Variants in CLASP2 observed in about 807,000 individuals in gnomAD.
CLASP2 encodes the protein CLIP-associating protein 2.
A neutral mutation model predicts 194.4 loss-of-function variants in CLASP2; 47 were observed. That is an observed-to-expected ratio of 0.24 (90% CI 0.19 to 0.31). CLASP2 has a LOEUF of 0.31. CLASP2 is among the 10% of genes least tolerant of loss of function. CLASP2 has a pLI of 1.00. For missense variants in CLASP2, 1,445 were observed against 1,823.6 expected, an observed-to-expected ratio of 0.79 and a Z score of 3.78; for synonymous variants, 619 against 633.5, an observed-to-expected ratio of 0.98 and a Z score of 0.34.
chr3:33,600,606 C>A (rs377713313), intron 18 of CLASP2, among the ~76,000 whole-genome samples: 2 of 152,166 alleles, frequency 1.3e-5, no homozygotes, highest in African/African-American at 2.4e-5. Context: ...CAGTAATCAA[C>A]ACACTGTTAA....
chr3:33,584,258 T>C (rs1334172178), intron 22 of CLASP2, among the ~76,000 whole-genome samples: 5 of 150,986 alleles, frequency 3.3e-5, no homozygotes, highest in South Asian at 2.1e-4. Context: ...CTATGAATTA[T>C]AGGGTTTGTT....
At chr3:33,572,208 A>C (rs1324331881) in intron 25 of CLASP2, among the ~76,000 whole-genome samples, 1 of 152,162 alleles carries the variant, frequency 6.6e-6, no homozygotes, top group Admixed American at 6.5e-5. Context: ...AATCATTCTA[A>C]ACTATGCCTA....
rs1049080128 is a variant in CLASP2, at chr3:33,682,732, T to G, written c.644+1627A>C. 3.3e-4 allele frequency among the ~76,000 whole-genome samples: 50 copies of G among 152,230 alleles called. 1 individual carries two copies. The highest frequency in any genetic ancestry group is 3.7e-4 in the Non-Finnish European group (25 of 68,036). Reference sequence around the variant, plus strand: ...CCACACTACTCATATATTCTTGATTTCCTTTTTAGTTGAACAGGTTTTAAG... The same window carrying G: ...CCACACTACTCATATATTCTTGATTGCCTTTTTAGTTGAACAGGTTTTAAG... On this transcript the variant is annotated intron_variant, in intron 6 of 38. Transcript: ENST00000682230.
At chr3:33,713,012 CAAAAAAAAAAAAA>C (rs57940200) in intron 1 of CLASP2, among the ~76,000 whole-genome samples, 4 of 46,990 alleles carry the variant, frequency 8.5e-5, no homozygotes, top group East Asian at 5.4e-4. Context: ...AACTCCACCT[CAAAAAAAAAAAAA>C]AAAAAAAAAA....
rs1416295750 is a variant in CLASP2, at chr3:33,545,071, T to C, written c.3154-230A>G. 3.3e-5 allele frequency: 11 copies of C among 337,720 alleles called. No individual in the cohort carries two copies. The East Asian group carries it at 4.5e-4, about 14-fold the overall frequency. The allele number at this position is 337,720 out of a possible 1,614,324, so 20.9% of individuals were successfully genotyped here. The stretch of plus-strand genomic sequence containing the variant: ...GGGAATATGAAAAGCATAACAAATA[T>C]GACCTAACAGACAATGGAAAAGTTA... On this transcript the variant is annotated intron_variant, in intron 30 of 38. Coordinates refer to ENST00000682230, the MANE Select transcript of CLASP2 (RefSeq NM_001365631.1).
chr3:33,688,407 A>G, intron 3 of CLASP2, 39 bp from the exon 4 acceptor site: 3 of 1,367,878 alleles, frequency 2.2e-6, no homozygotes, highest in Non-Finnish European at 3.0e-6. Flanking sequence ...ACAAAAAACT[A>G]AATTATTCAT....
In CLASP2 at chr3:33,663,512, T is replaced by A; in HGVS notation, c.648A>T (p.Leu216Phe). ...CATCAAATTTGGCAAATATCATTTC[T>A]AATCTGGGAATAAAGAATAAATTGG... ...LYKRGIPPAR[L>F]EMIFAKFDEV... is the part of the protein sequence containing the mutation. The change falls in exon 7 of 39, where the codon TTA (leucine) becomes TTT (phenylalanine). Residue 216 changes from leucine (L) to phenylalanine (F), a missense_variant. By Grantham distance (22) the Leu-to-Phe change is conservative. Around this residue, in one of 4 missense-constraint regions of CLASP2, gnomAD observed 332 missense variants for 325.3 expected, o/e 1.02. Transcript: ENST00000682230. 6.2e-7 allele frequency: 1 copy of A among 1,606,678 alleles called. No individual in the cohort carries two copies. The highest frequency in any genetic ancestry group is 8.5e-7 in the Non-Finnish European group (1 of 1,173,946).
intron 9 of CLASP2, among the ~76,000 whole-genome samples, chr3:33,630,558 T>TTA (rs2078909432): frequency 6.6e-6 from 1 of 150,562 alleles, no homozygotes; most frequent in Admixed American, 6.6e-5. Flanking sequence ...TTAAAGAGCG[T>TTA]AAAAAAAAAA....
intron 21 of CLASP2, among the ~76,000 whole-genome samples, chr3:33,590,472 G>C (rs949075936): frequency 6.6e-6 from 1 of 152,080 alleles, no homozygotes; most frequent in East Asian, 1.9e-4. Flanking sequence ...TACTGGTCTG[G>C]GCAGCACATA....
chr3:33,648,666 A>T (rs2082679997), intron 7 of CLASP2, among the ~76,000 whole-genome samples: 1 of 152,230 alleles, frequency 6.6e-6, no homozygotes, highest in South Asian at 2.1e-4. Context: ...AACATTTGTA[A>T]AAGGTTATAA....
intron 27 of CLASP2, among the ~76,000 whole-genome samples, chr3:33,565,665 A>G (rs2062597007): frequency 6.6e-6 from 1 of 151,496 alleles, no homozygotes; most frequent in African/African-American, 2.4e-5. Flanking sequence ...ATACAAATTT[A>G]GCTGGGCGTG....
At chr3:33,573,489 G>C (rs2064190094) in intron 24 of CLASP2, 135 bp from the exon 25 acceptor site, 1 of 896,722 alleles carries the variant, frequency 1.1e-6, no homozygotes, top group Non-Finnish European at 1.8e-6. Context: ...TGTAATAACA[G>C]AATGTCAGTA....
intron 22 of CLASP2, among the ~76,000 whole-genome samples, chr3:33,582,882 C>T (rs1446571795): frequency 6.6e-6 from 1 of 152,110 alleles, no homozygotes; most frequent in African/African-American, 2.4e-5. Context: ...GGGCCAAATA[C>T]CAGGCACAGA....
intron 38 of CLASP2, 59 bp downstream of exon 38, chr3:33,501,593 A>G: frequency 9.5e-7 from 1 of 1,049,358 alleles, no homozygotes; most frequent in South Asian, 1.3e-5. Flanking sequence ...CAGACATGTA[A>G]CTAAGTTTTG....
chr3:33,510,821 C>A, intron 36 of CLASP2, 57 bp from the exon 37 acceptor site: 1 of 1,409,532 alleles, frequency 7.1e-7, no homozygotes, highest in South Asian at 1.3e-5. Context: ...ACACTACATC[C>A]TGGAAGTATA....
At chr3:33,672,147 G>A (rs2087400962) in intron 6 of CLASP2, among the ~76,000 whole-genome samples, 1 of 152,224 alleles carries the variant, frequency 6.6e-6, no homozygotes, top group Admixed American at 6.5e-5. Context: ...CTCCTCAAGT[G>A]GGTCCCTGAC....
intron 19 of CLASP2, chr3:33,596,464 A>G: frequency 2.6e-6 from 1 of 378,582 alleles, no homozygotes; most frequent in Non-Finnish European, 4.8e-6. Context: ...GAGCTCAGGC[A>G]AACATTTTAT....
intron 35 of CLASP2, 89 bp from the exon 36 acceptor site, chr3:33,516,240 T>C: frequency 3.2e-6 from 4 of 1,258,244 alleles, no homozygotes; most frequent in Non-Finnish European, 4.3e-6. Flanking sequence ...GGTCTTAATA[T>C]TGGGGGAGGA....
intron 34 of CLASP2, among the ~76,000 whole-genome samples, chr3:33,525,327 T>C (rs1415041610): frequency 2.0e-5 from 3 of 152,072 alleles, no homozygotes; most frequent in African/African-American, 7.2e-5. Context: ...AGGGGCAAGA[T>C]GGCTGACCAG....
Sources: allele counts gnomAD v4.1 joint callset (sites outside exome capture counted in the v4.1 genomes callset), GRCh38; gene constraint gnomAD v4.1.1; regional missense constraint gnomAD v4.1.1; transcripts MANE v1.5; gene names NCBI Gene and HGNC (gene_info 2026-07-23, HGNC 2026-07-21).